The following BFSP1 variants were observed in gnomAD, a reference collection of about 807,000 sequenced individuals.
The protein encoded by BFSP1 is filensin.
BFSP1 carries 38 observed loss-of-function variants against 43.9 expected under a neutral mutation model. The observed-to-expected ratio is 0.87, with a 90% CI of 0.67 to 1.14. The LOEUF is 1.14. Among genes scored for constraint, BFSP1 ranks in the 50% most tolerant of loss-of-function variants. The pLI, the probability that BFSP1 is intolerant of heterozygous loss-of-function variation, is 0.00. For synonymous variants in BFSP1, 352 were observed against 354.8 expected (o/e 0.99, Z 0.09); for missense variants, 850 against 875.1 (o/e 0.97, Z 0.36).
At chr20:17,561,905 A>G (rs1215405414), upstream of BFSP1, among the ~76,000 whole-genome samples, 2 of 151,860 alleles carry the variant, frequency 1.3e-5, no homozygotes, top group African/African-American at 4.8e-5. Context: ...TTCTAGAGAG[A>G]GGTTTTATAC....
At chr20:17,537,085 C>A (rs2034639479) in intron 1 of BFSP1, among the ~76,000 whole-genome samples, 1 of 152,178 alleles carries the variant, frequency 6.6e-6, no homozygotes, top group African/African-American at 2.4e-5. Context: ...CTTTTACCAT[C>A]CGTCCTTTAC....
At chr20:17,502,335 C>A (rs1034630101) in intron 5 of BFSP1, among the ~76,000 whole-genome samples, 3 of 152,212 alleles carry the variant, frequency 2.0e-5, no homozygotes, top group Non-Finnish European at 4.4e-5. Flanking sequence ...AATGCAGAAC[C>A]TCCATCTAAT....
upstream of BFSP1, among the ~76,000 whole-genome samples, chr20:17,533,470 TG>T (rs2034580632): frequency 6.6e-6 from 1 of 152,232 alleles, no homozygotes; most frequent in Non-Finnish European, 1.5e-5. Flanking sequence ...GTCTTCCAGC[TG>T]TAGGTCTCCT....
chr20:17,515,906 T>C (rs2034189650), intron 2 of BFSP1, among the ~76,000 whole-genome samples: 1 of 152,160 alleles, frequency 6.6e-6, no homozygotes, highest in Non-Finnish European at 1.5e-5. Context: ...TAAGAGACAC[T>C]CTCCATACTC....
intron 2 of BFSP1, among the ~76,000 whole-genome samples, chr20:17,520,385 A>G (rs2034298465): frequency 6.6e-6 from 1 of 152,232 alleles, no homozygotes; most frequent in Non-Finnish European, 1.5e-5. Context: ...GGGGATTAAA[A>G]AGGAAAAAAA....
upstream of BFSP1, among the ~76,000 whole-genome samples, chr20:17,535,937 T>G (rs2034622122): frequency 1.3e-5 from 2 of 152,264 alleles, no homozygotes; most frequent in South Asian, 4.1e-4. Flanking sequence ...TTATTTATTT[T>G]ATTTATGTAT....
chr20:17,542,781 A>C (rs1021786901), intron 1 of BFSP1, among the ~76,000 whole-genome samples: 6 of 152,238 alleles, frequency 3.9e-5, no homozygotes, highest in African/African-American at 1.4e-4. Context: ...GTTTTAAAAA[A>C]TTAGACTAGA....
chr20:17,567,340 T>C (rs958530557), intron 1 of BFSP1, among the ~76,000 whole-genome samples: 1 of 152,358 alleles, frequency 6.6e-6, no homozygotes, highest in Admixed American at 6.5e-5. Context: ...AGTTCATACA[T>C]ACGCATCTTA....
intron 5 of BFSP1, 142 bp downstream of exon 5, chr20:17,508,747 C>G (rs2034002533): frequency 2.4e-6 from 2 of 817,728 alleles, no homozygotes. Context: ...TGGCCACCCA[C>G]TCAGAAAACC....
In BFSP1 at chr20:17,507,820, G is replaced by A. The variant is rs187918954; in HGVS notation, c.735+1069C>T. The stretch of plus-strand genomic sequence containing the variant: ...TTACTTGGTTCCTCCTGCTGCGATC[G>A]TCAGTTCAGGGGACCACCACAGACC... On this transcript the variant is annotated intron_variant, in intron 5 of 7. Coordinates refer to ENST00000377873, the MANE Select transcript of BFSP1 (RefSeq NM_001195.5). This position sits in a 1 kb window ranked among gnomAD's most constrained non-coding sequence, Gnocchi z 4.4. Among the ~76,000 whole-genome samples, 127 of 152,274 alleles carry A rather than the reference G, an allele frequency of 8.3e-4. No homozygotes were observed. The highest frequency in any genetic ancestry group is 1.6e-3 in the Non-Finnish European group (108 of 68,026).
chr20:17,521,142 A>C (rs1315222889), intron 2 of BFSP1, among the ~76,000 whole-genome samples: 1 of 137,556 alleles, frequency 7.3e-6, no homozygotes, highest in Non-Finnish European at 1.6e-5. Context: ...GAAGTTAGCA[A>C]ACCCAAATAT....
chr20:17,530,515 A>T (rs2034510764), intron 1 of BFSP1, among the ~76,000 whole-genome samples: 1 of 152,244 alleles, frequency 6.6e-6, no homozygotes. Context: ...AGGCAAAGTC[A>T]ATCTATGGTG....
At chr20:17,554,403 A>G (rs1401709752) in intron 1 of BFSP1, among the ~76,000 whole-genome samples, 1 of 152,336 alleles carries the variant, frequency 6.6e-6, no homozygotes, top group South Asian at 2.1e-4. Flanking sequence ...CTAATAAACC[A>G]TATCTAGCAG....
At chr20:17,502,219 G>A (rs1354389212) in intron 5 of BFSP1, among the ~76,000 whole-genome samples, 1 of 151,808 alleles carries the variant, frequency 6.6e-6, no homozygotes, top group Non-Finnish European at 1.5e-5. Context: ...AAAACTGGCA[G>A]ACAGCACCTT....
intron 4 of BFSP1, 94 bp from the exon 5 acceptor site, chr20:17,509,090 G>C: frequency 1.1e-6 from 1 of 878,452 alleles, no homozygotes; most frequent in Non-Finnish European, 1.6e-6. Flanking sequence ...GAATATCCGT[G>C]TCCCCCTGAA....
At chr20:17,539,853 A>T (rs997454595) in intron 1 of BFSP1, among the ~76,000 whole-genome samples, 3 of 152,172 alleles carry the variant, frequency 2.0e-5, no homozygotes, top group African/African-American at 7.2e-5. Context: ...TATTAATATC[A>T]GTAGGGACTG....
intron 1 of BFSP1, 71 bp downstream of exon 1, chr20:17,530,882 C>T: frequency 7.6e-7 from 1 of 1,310,296 alleles, no homozygotes; most frequent in Non-Finnish European, 9.7e-7. Flanking sequence ...ATGGTAGCAG[C>T]GTGCTCCCAG....
chr20:17,541,151 G>T, intron 1 of BFSP1: 1 of 567,664 alleles, frequency 1.8e-6, no homozygotes, highest in South Asian at 7.7e-5. Flanking sequence ...GATCATTCCT[G>T]TGAATAGCCA....
In BFSP1 at chr20:17,525,156, G is replaced by A. The variant is rs1298431086; in HGVS notation, c.378-248C>T. 2.0e-5 allele frequency among the ~76,000 whole-genome samples: 3 copies of A among 152,034 alleles called. No homozygotes were observed. Among genetic ancestry groups the A allele is most frequent in the Non-Finnish European group, 2.9e-5 (2 of 68,014 alleles). On this transcript the variant is annotated intron_variant, in intron 1 of 7. Transcript: ENST00000377873. The surrounding 1 kb of genome is among the most constrained non-coding windows in gnomAD (Gnocchi z 4.2). ...TAGCGGAATAGGAGTCTCCCAGCCC[G>A]AAGGCACCAACCCCAGCCCCTACAG...
Sources: allele counts gnomAD v4.1 joint callset (sites outside exome capture counted in the v4.1 genomes callset), GRCh38; gene constraint gnomAD v4.1.1; non-coding constraint Gnocchi (gnomAD v3.1); transcripts MANE v1.5; gene names NCBI Gene and HGNC (gene_info 2026-07-23, HGNC 2026-07-21).